The following SLC9C1 variants were observed in gnomAD, a reference collection of about 807,000 sequenced individuals.
SLC9C1 encodes the protein solute carrier family 9 member C1, also known as sodium/hydrogen exchanger 10.
Under a neutral mutation model 140.9 loss-of-function variants are expected in SLC9C1, and 97 were observed. The observed-to-expected ratio is 0.69, with a 90% confidence interval of 0.58 to 0.82. The LOEUF (loss-of-function observed/expected upper bound fraction) is 0.82. SLC9C1 is among the 40% of genes least tolerant of loss of function. The pLI is 0.00. For synonymous variants in SLC9C1, 440 were observed against 442.6 expected (o/e 0.99, Z 0.07); for missense variants, 1,340 against 1,389.3 (o/e 0.96, Z 0.56).
At chr3:112,247,163 C>G (rs1388484669) in intron 10 of SLC9C1, among the ~76,000 whole-genome samples, 1 of 152,068 alleles carries the variant, frequency 6.6e-6, no homozygotes. Flanking sequence ...ATAAGCAAAT[C>G]CTGTCAACGC....
intron 13 of SLC9C1, among the ~76,000 whole-genome samples, chr3:112,225,333 G>C (rs1576385418): frequency 6.6e-6 from 1 of 152,200 alleles, no homozygotes; most frequent in Middle Eastern, 3.4e-3. Context: ...AAACCTGAGA[G>C]AATTCACCAT....
intron 16 of SLC9C1, among the ~76,000 whole-genome samples, chr3:112,206,393 G>A (rs1291754822): frequency 2.0e-5 from 3 of 152,234 alleles, no homozygotes; most frequent in East Asian, 3.9e-4. Context: ...TTACACTGTT[G>A]GTGGGAGTAG....
Position 112,179,646 on chromosome 3 carries a change from T to G in SLC9C1, c.2804A>C (p.Lys935Thr). 1 of 1,611,780 alleles carries G rather than the reference T, an allele frequency of 6.2e-7. No individual in the cohort carries two copies. Among genetic ancestry groups the G allele is most frequent in the Non-Finnish European group, 8.5e-7 (1 of 1,179,092 alleles). The change falls in exon 23 of 29, where the codon AAA becomes ACA. Residue 935 changes from lysine to threonine, a missense_variant. Physicochemically the swap from Lys to Thr is moderately conservative, Grantham distance 78. Transcript: ENST00000305815. ...GTCTGTGTCAATTATCGGAAAATCTTTCTCCTTTGACTCCACCATTTGATC... is the reference window on the plus strand; with the variant it reads ...GTCTGTGTCAATTATCGGAAAATCTGTCTCCTTTGACTCCACCATTTGATC... ...GIDQMVESKE[K>T]DFPIIDTDYM...
intron 23 of SLC9C1, among the ~76,000 whole-genome samples, chr3:112,173,799 A>G (rs562744939): frequency 4.9e-4 from 75 of 152,338 alleles, no homozygotes; most frequent in African/African-American, 1.7e-3. Flanking sequence ...TATATACCCA[A>G]TAACAAAATT....
At chr3:112,212,494 T>G (rs2078236641) in intron 15 of SLC9C1, among the ~76,000 whole-genome samples, 1 of 151,920 alleles carries the variant, frequency 6.6e-6, no homozygotes, top group Admixed American at 6.6e-5. Flanking sequence ...GAATAACCAG[T>G]GTAGAGAAGT....
chr3:112,222,379 G>A (rs1158310675), intron 13 of SLC9C1, among the ~76,000 whole-genome samples: 1 of 152,122 alleles, frequency 6.6e-6, no homozygotes, highest in African/African-American at 2.4e-5. Context: ...TAAGTGAAAT[G>A]AGGATCTAGA....
intron 10 of SLC9C1, among the ~76,000 whole-genome samples, chr3:112,262,566 C>T (rs2079804125): frequency 6.6e-6 from 1 of 151,852 alleles, no homozygotes; most frequent in Non-Finnish European, 1.5e-5. Context: ...TGTTTTGGCT[C>T]ATAGCATTAC....
At chr3:112,218,503 A>G (rs1322230843) in intron 14 of SLC9C1, among the ~76,000 whole-genome samples, 1 of 152,240 alleles carries the variant, frequency 6.6e-6, no homozygotes, top group Admixed American at 6.5e-5. Context: ...TCATTCAATT[A>G]TCTGATATTC....
intron 28 of SLC9C1, among the ~76,000 whole-genome samples, chr3:112,147,104 T>A (rs1266252431): frequency 6.6e-6 from 1 of 152,322 alleles, no homozygotes; most frequent in East Asian, 1.9e-4. Context: ...TTATCTGATA[T>A]AAAAATAGTG....
chr3:112,191,102 T>C (rs887518223), intron 20 of SLC9C1, among the ~76,000 whole-genome samples: 4 of 152,146 alleles, frequency 2.6e-5, no homozygotes, highest in African/African-American at 9.6e-5. Flanking sequence ...TTATCAATTC[T>C]AACAAGTTTT....
chr3:112,161,546 A>G (rs1415371273), intron 26 of SLC9C1, among the ~76,000 whole-genome samples: 3 of 151,918 alleles, frequency 2.0e-5, no homozygotes, highest in Middle Eastern at 3.4e-3. Flanking sequence ...CTCATTGCTT[A>G]TTTTTCTCAG....
At chr3:112,173,772 A>T (rs899541020) in intron 23 of SLC9C1, among the ~76,000 whole-genome samples, 2 of 152,228 alleles carry the variant, frequency 1.3e-5, no homozygotes, top group African/African-American at 4.8e-5. Flanking sequence ...TAGTAGAATG[A>T]TTTATGTTCC....
At chr3:112,190,928 A>AACACACACACACACACAC (rs56930611) in intron 20 of SLC9C1, among the ~76,000 whole-genome samples, 1 of 138,682 alleles carries the variant, frequency 7.2e-6, no homozygotes, top group East Asian at 2.0e-4. Context: ...ACTTTTTTTA[A>AACACACACACACACACAC]ACACACACAC....
intron 20 of SLC9C1, among the ~76,000 whole-genome samples, chr3:112,183,376 A>T: frequency 2.4e-5 from 1 of 41,808 alleles, no homozygotes; most frequent in South Asian, 5.1e-4. Context: ...TTTTTCAGCC[A>T]ATCACAAAAA....
chr3:112,244,190 G>A (rs1349233033), intron 10 of SLC9C1, 114 bp from the exon 11 acceptor site: 11 of 551,308 alleles, frequency 2.0e-5, no homozygotes, highest in Non-Finnish European at 3.3e-5. Context: ...AGGTTGTACT[G>A]TGTTAATAGA....
intron 11 of SLC9C1, among the ~76,000 whole-genome samples, chr3:112,243,014 A>G (rs2079179370): frequency 6.6e-6 from 1 of 152,198 alleles, no homozygotes; most frequent in Admixed American, 6.5e-5. Context: ...AAGTCAAAAA[A>G]TAACAGATGC....
intron 10 of SLC9C1, among the ~76,000 whole-genome samples, chr3:112,255,133 G>A (rs2079569921): frequency 6.6e-6 from 1 of 152,056 alleles, no homozygotes; most frequent in Non-Finnish European, 1.5e-5. Context: ...CACAAGAATA[G>A]TGGGAGACTT....
intron 15 of SLC9C1, among the ~76,000 whole-genome samples, chr3:112,213,838 C>A (rs2078278492): frequency 6.6e-6 from 1 of 152,188 alleles, no homozygotes; most frequent in Non-Finnish European, 1.5e-5. Flanking sequence ...GAATTGAACT[C>A]AGCTCTGCAC....
At chr3:112,272,752 C>G (rs1012019153) in intron 6 of SLC9C1, among the ~76,000 whole-genome samples, 13 of 152,100 alleles carry the variant, frequency 8.5e-5, no homozygotes, top group African/African-American at 3.1e-4. Flanking sequence ...AAGTTCCATT[C>G]TATTCATTAT....
Sources: gnomAD v4.1 joint callset for allele counts (sites outside exome capture counted in the v4.1 genomes callset) on GRCh38, gnomAD v4.1.1 for gene constraint, MANE v1.5 for transcripts, NCBI Gene and HGNC (gene_info 2026-07-23, HGNC 2026-07-21) for gene names.